Variants in EFL1 observed in about 807,000 individuals in gnomAD.
The protein encoded by EFL1 is elongation factor-like GTPase 1.
A neutral mutation model predicts 126.7 loss-of-function variants in EFL1; 76 were observed. The ratio of observed to expected loss-of-function variants is 0.60; its 90% CI spans 0.50 to 0.73. The LOEUF is 0.73. Ranked by LOEUF, EFL1 falls within the 30% of genes least tolerant of loss-of-function variation. EFL1 has a pLI of 0.00. For missense variants in EFL1, 1,128 were observed against 1,343.2 expected, an observed-to-expected ratio of 0.84 and a Z score of 2.50; for synonymous variants, 410 against 448.4, an observed-to-expected ratio of 0.91 and a Z score of 1.08.
At chr15:82,157,549 TA>T in intron 17 of EFL1, 163 bp downstream of exon 17, 1 of 822,844 alleles carries the variant, frequency 1.2e-6, no homozygotes, top group Non-Finnish European at 1.7e-6. Context: ...TTTCAGTTAT[TA>T]AAAAATAAGT....
intron 18 of EFL1, among the ~76,000 whole-genome samples, chr15:82,140,163 C>T (rs1276760753): frequency 2.0e-5 from 3 of 152,174 alleles, no homozygotes; most frequent in African/African-American, 7.2e-5. Context: ...TGTCTACTTC[C>T]CCAGCTAGCT....
rs115951274 is a variant in EFL1, at chr15:82,256,570, T to C, written c.159+2518A>G. 8.1e-3 allele frequency among the ~76,000 whole-genome samples: 1,228 copies of C among 152,346 alleles called. 14 individuals carry two copies. Among genetic ancestry groups the C allele is most frequent in the African/African-American group, 0.028 (1,152 of 41,576 alleles). On this transcript the variant is annotated intron_variant, in intron 3 of 19. Coordinates refer to ENST00000268206, the MANE Select transcript of EFL1 (RefSeq NM_024580.6). Reference sequence around the variant, plus strand: ...CAGCCATTCTTGCCTTATTCCTGGCTATGAATAGAGAAGTTTTAACACTTC... The same window carrying C: ...CAGCCATTCTTGCCTTATTCCTGGCCATGAATAGAGAAGTTTTAACACTTC...
chr15:82,207,858 G>T (rs2074542634), intron 15 of EFL1, among the ~76,000 whole-genome samples: 1 of 151,974 alleles, frequency 6.6e-6, no homozygotes, highest in Non-Finnish European at 1.5e-5. Flanking sequence ...GAGGAGCTGG[G>T]ATTACAGGCA....
At chr15:82,224,268 C>T (rs1485269962) in intron 12 of EFL1, among the ~76,000 whole-genome samples, 1 of 152,150 alleles carries the variant, frequency 6.6e-6, no homozygotes, top group Non-Finnish European at 1.5e-5. Flanking sequence ...TTATTTAATA[C>T]TTATTTAAAT....
At chr15:82,198,774 G>A (rs1011307187) in intron 15 of EFL1, among the ~76,000 whole-genome samples, 3 of 152,124 alleles carry the variant, frequency 2.0e-5, no homozygotes, top group African/African-American at 7.2e-5. Flanking sequence ...TGGCCAACTT[G>A]CCAGAGGTCC....
At position 82,255,287 on chromosome 15, in the gene EFL1, C is replaced by T. The variant is rs376120976; in HGVS notation, c.160-2512G>A. ...TATCCTTTTGTAAGTTTTTTACTGG[C>T]CATTTAACATTCCTTTTCTGTGAAT... On this transcript the variant is annotated intron_variant, in intron 3 of 19. Transcript: ENST00000268206. 1.1e-4 allele frequency among the ~76,000 whole-genome samples: 16 copies of T among 152,212 alleles called. No individual in the cohort carries two copies. In the South Asian group the frequency reaches 3.3e-3, roughly 32 times the overall value.
intron 4 of EFL1, among the ~76,000 whole-genome samples, chr15:82,247,815 G>A (rs1783209899): frequency 6.6e-6 from 1 of 152,100 alleles, no homozygotes; most frequent in African/African-American, 2.4e-5. Context: ...ATGGGGAAGA[G>A]ACTATAAGAG....
chr15:82,214,210 G>A (rs1438612307), intron 15 of EFL1, among the ~76,000 whole-genome samples: 1 of 152,144 alleles, frequency 6.6e-6, no homozygotes, highest in Non-Finnish European at 1.5e-5. Flanking sequence ...GCACATGGGG[G>A]ACAGAAGTCA....
At chr15:82,261,870 C>T in intron 1 of EFL1, 73 bp from the exon 2 acceptor site, 1 of 1,184,400 alleles carries the variant, frequency 8.4e-7, no homozygotes, top group Non-Finnish European at 1.2e-6. Context: ...TAATAATAAA[C>T]GCTGGGAGGT....
At chr15:82,133,566 T>C (rs2073683612) in intron 19 of EFL1, among the ~76,000 whole-genome samples, 1 of 152,230 alleles carries the variant, frequency 6.6e-6, no homozygotes, top group East Asian at 1.9e-4. Flanking sequence ...CTGTAAGAGA[T>C]GTTAACATTG....
intron 18 of EFL1, among the ~76,000 whole-genome samples, chr15:82,147,473 TAAC>T (rs946054890): frequency 9.9e-5 from 15 of 150,814 alleles, no homozygotes; most frequent in African/African-American, 4.9e-5. Flanking sequence ...CTACTAAAAA[TAAC>T]AACAACAAAA....
chr15:82,171,448 G>C (rs1165713047), intron 15 of EFL1, among the ~76,000 whole-genome samples: 1 of 152,226 alleles, frequency 6.6e-6, no homozygotes, highest in Admixed American at 6.5e-5. Flanking sequence ...AGGGGCAACA[G>C]TGGCAGACAG....
intron 18 of EFL1, among the ~76,000 whole-genome samples, chr15:82,146,493 T>TA (rs1227115870): frequency 2.6e-5 from 4 of 151,524 alleles, no homozygotes; most frequent in Non-Finnish European, 5.9e-5. Context: ...ACTGCATTGA[T>TA]AGACCCTGGA....
chr15:82,165,361 T>C (rs117058594), intron 15 of EFL1, among the ~76,000 whole-genome samples: 2,303 of 152,244 alleles, frequency 0.015, 25 homozygotes, highest in East Asian at 0.024. Context: ...AGAAAATCAC[T>C]TTGCTGTCCT....
chr15:82,195,898 A>T (rs111491984), intron 15 of EFL1, among the ~76,000 whole-genome samples: 34,234 of 152,082 alleles, frequency 0.23, 4,105 homozygotes, highest in South Asian at 0.4. Flanking sequence ...ATGTAAAGGA[A>T]TCAATGTTCT....
chr15:82,209,070 G>T (rs930759106), intron 15 of EFL1, among the ~76,000 whole-genome samples: 1 of 152,012 alleles, frequency 6.6e-6, no homozygotes, highest in Non-Finnish European at 1.5e-5. Context: ...ACTAAGAAAT[G>T]ACTATTAGGT....
intron 18 of EFL1, among the ~76,000 whole-genome samples, chr15:82,141,302 T>C (rs1004343186): frequency 5.3e-5 from 8 of 152,174 alleles, no homozygotes; most frequent in African/African-American, 1.2e-4. Flanking sequence ...CTGAGATATA[T>C]AGAAAAGAAA....
chr15:82,172,726 T>A (rs1256575982), intron 15 of EFL1, among the ~76,000 whole-genome samples: 1 of 152,208 alleles, frequency 6.6e-6, no homozygotes, highest in African/African-American at 2.4e-5. Flanking sequence ...ACTCATGGCG[T>A]ATGAGTCATC....
chr15:82,163,318 G>C (rs2074042382), intron 16 of EFL1, among the ~76,000 whole-genome samples: 1 of 152,204 alleles, frequency 6.6e-6, no homozygotes, highest in Non-Finnish European at 1.5e-5. Context: ...GAGGCAGGCA[G>C]ATGACCTGCG....
Sources: allele counts gnomAD v4.1 joint callset (sites outside exome capture counted in the v4.1 genomes callset), GRCh38; gene constraint gnomAD v4.1.1; transcripts MANE v1.5; gene names NCBI Gene and HGNC (gene_info 2026-07-23, HGNC 2026-07-21).